Variants in GNPTAB observed in about 807,000 individuals in gnomAD.
GNPTAB encodes the protein N-acetylglucosamine-1-phosphate transferase subunits alpha and beta.
GNPTAB carries 92 observed loss-of-function variants against 136.6 expected under a neutral mutation model. The ratio of observed to expected loss-of-function variants is 0.67; its 90% CI spans 0.57 to 0.80. GNPTAB has a LOEUF of 0.80. Among genes scored for constraint, GNPTAB ranks in the 30% least tolerant of loss-of-function variants. GNPTAB has a pLI of 0.00. For missense variants in GNPTAB, 1,343 were observed against 1,501.8 expected, an observed-to-expected ratio of 0.89 and a Z score of 1.75; for synonymous variants, 512 against 535.1, an observed-to-expected ratio of 0.96 and a Z score of 0.60.
Position 101,796,670 on chromosome 12 carries a change from A to G in GNPTAB, c.203+7T>C. Reference sequence around the variant, plus strand: ...CAAATAATAGATTTCTCCAAAATAGATCTTACCGATTCTGAAAGGACTTTC... The same window carrying G: ...CAAATAATAGATTTCTCCAAAATAGGTCTTACCGATTCTGAAAGGACTTTC... On this transcript the variant is annotated splice_region_variant and intron_variant, in intron 2 of 20. Transcript: ENST00000299314. 6.4e-7 allele frequency: 1 copy of G among 1,565,476 alleles called. No homozygotes were observed. The highest frequency in any genetic ancestry group is 8.8e-7 in the Non-Finnish European group (1 of 1,135,814).
At chr12:101,797,490 C>T (rs905406144) in intron 1 of GNPTAB, among the ~76,000 whole-genome samples, 4 of 152,174 alleles carry the variant, frequency 2.6e-5, no homozygotes, top group East Asian at 3.9e-4. Context: ...CTGGGCATGG[C>T]GGCATGCGCC....
intron 1 of GNPTAB, among the ~76,000 whole-genome samples, chr12:101,828,937 T>C (rs765066370): frequency 6.6e-6 from 1 of 152,228 alleles, no homozygotes; most frequent in Admixed American, 6.5e-5. Context: ...ATTATTATGA[T>C]CATTATCAAC....
At chr12:101,822,395 C>CAG (rs1439564465) in intron 1 of GNPTAB, among the ~76,000 whole-genome samples, 1 of 152,164 alleles carries the variant, frequency 6.6e-6, no homozygotes, top group Non-Finnish European at 1.5e-5. Context: ...ACCTGGGCGA[C>CAG]AGCGAGACTC....
At chr12:101,759,954 T>C (rs1383341748) in intron 16 of GNPTAB, 76 bp downstream of exon 16, 25 of 867,832 alleles carry the variant, frequency 2.9e-5, no homozygotes, top group Non-Finnish European at 4.6e-5. Flanking sequence ...TCTGAAGTGC[T>C]ATACAGAAAT....
chr12:101,760,260 A>G (rs368322807), intron 15 of GNPTAB, 117 bp from the exon 16 acceptor site: 4 of 712,404 alleles, frequency 5.6e-6, no homozygotes, highest in Non-Finnish European at 5.0e-6. Flanking sequence ...CTTCAAAGAG[A>G]GTCTGACTAT....
At chr12:101,812,683 C>A (rs561318993) in intron 1 of GNPTAB, among the ~76,000 whole-genome samples, 1 of 152,172 alleles carries the variant, frequency 6.6e-6, no homozygotes, top group South Asian at 2.1e-4. Flanking sequence ...ATCTTGAGAC[C>A]AGGAGGCTGA....
rs1262269049 is a variant in GNPTAB, at chr12:101,764,875, T to A, written c.2042A>T (p.His681Leu). The A allele has an allele frequency of 6.2e-7, 1 of 1,614,102 alleles. No homozygotes were observed. Among genetic ancestry groups the A allele is most frequent in the Non-Finnish European group, 8.5e-7 (1 of 1,180,054 alleles). ...GGCTCTCCTTGTTGAGTTAACATCA[T>A]GTCTCTTAAACTTCGGGAAGCGTTT... ...KEKRFPKFKR[H>L]DVNSTRRAQE... The change falls in exon 13 of 21, where the codon CAT becomes CTT. Residue 681 changes from histidine (H) to leucine (L), a missense_variant. Physicochemically the swap from His to Leu is moderately conservative, Grantham distance 99. Transcript: ENST00000299314.
chr12:101,820,526 G>T (rs549958826), intron 1 of GNPTAB, among the ~76,000 whole-genome samples: 1 of 152,226 alleles, frequency 6.6e-6, no homozygotes, highest in East Asian at 1.9e-4. Context: ...ATTCTTTGTT[G>T]TAGGGGCTGT....
chr12:101,796,512 G>C, intron 2 of GNPTAB, 165 bp downstream of exon 2: 1 of 622,818 alleles, frequency 1.6e-6, no homozygotes, highest in Non-Finnish European at 2.8e-6. Flanking sequence ...CTTTTTTTTA[G>C]TATATGTGCT....
Position 101,757,260 on chromosome 12 carries a change from T to C in GNPTAB, c.3386A>G (p.Asn1129Ser), listed in dbSNP as rs1216657781. 8 of 1,610,584 alleles carry C rather than the reference T, an allele frequency of 5.0e-6. No individual in the cohort carries two copies. The highest frequency in any genetic ancestry group is 1.7e-5 in the Admixed American group (1 of 59,982). ...CAACTGGCCAACCACATGAGAAACG[T>C]TGGTACGAATCATTTTAAAAGCGAT... is the stretch of plus-strand genomic sequence containing the variant. ...EEIAFKMIRT[N>S]VSHVVGQLDD... Residue 1129 changes from asparagine (N) to serine (S), a missense_variant, in exon 18 of 21, where the codon AAC (asparagine) becomes AGC (serine). Asn to Ser is a conservative substitution (Grantham distance 46). Coordinates refer to ENST00000299314, the MANE Select transcript of GNPTAB (RefSeq NM_024312.5).
intron 17 of GNPTAB, 117 bp downstream of exon 17, chr12:101,757,455 A>G (rs1364596364): frequency 2.1e-5 from 16 of 768,490 alleles, no homozygotes; most frequent in Non-Finnish European, 3.6e-5. Flanking sequence ...ACAGCAAACA[A>G]TCTCATATAA....
chr12:101,810,719 A>G (rs2137174780), intron 1 of GNPTAB: 2 of 151,796 alleles, frequency 1.3e-5, no homozygotes, highest in Middle Eastern at 3.4e-3. Flanking sequence ...TCAGACTGAC[A>G]CTAAAAGTAT....
In GNPTAB at chr12:101,789,970, T is replaced by G. The variant is rs1219794997; in HGVS notation, c.291A>C (p.Arg97Ser). 6.2e-7 allele frequency: 1 copy of G among 1,614,088 alleles called. No individual in the cohort carries two copies. The highest frequency in any genetic ancestry group is 1.7e-5 in the Admixed American group (1 of 60,002). Residue 97 changes from arginine to serine, a missense_variant, in exon 3 of 21, where the codon AGA (arginine) becomes AGC (serine). Physicochemically the swap from Arg to Ser is moderately radical, Grantham distance 110. Coordinates refer to ENST00000299314, the MANE Select transcript of GNPTAB (RefSeq NM_024312.5). The stretch of plus-strand genomic sequence containing the variant: ...CTTTCTGCTCCTCCTCCATCTGTTC[T>G]CTGACCTGCTGTAGTTCCTTCAGTA... ...LELLKELQQV[R>S]EQMEEEQKAM...
At chr12:101,748,927 T>C (rs1218634157) in intron 20 of GNPTAB, among the ~76,000 whole-genome samples, 174 bp downstream of exon 20, 1 of 152,226 alleles carries the variant, frequency 6.6e-6, no homozygotes, top group Non-Finnish European at 1.5e-5. Flanking sequence ...TAAAAGACTG[T>C]TATATTTGCT....
rs1306303869 is a variant in GNPTAB at position 101,753,265 on chromosome 12, AT to A, written c.3602+106del. On this transcript the variant is annotated intron_variant, in intron 19 of 20. Coordinates refer to ENST00000299314, the MANE Select transcript of GNPTAB (RefSeq NM_024312.5). ...CAAAACTCCGTCTCAAAAAAAAAAA[AT>A]AAAAAGAGAAATTTCATAAAAAAAA... The A allele has an allele frequency of 2.0e-4, 205 of 1,042,772 alleles. No individual in the cohort carries two copies. In the East Asian group the frequency reaches 4.8e-3, roughly 24 times the overall value. 64.6% of individuals were successfully genotyped at this position (1,042,772 alleles called of 1,614,324 possible). A position where few individuals can be genotyped will look rare whatever the true frequency, so the allele number is the denominator to read the frequency against.
At chr12:101,813,119 C>CT (rs1248535912) in intron 1 of GNPTAB, among the ~76,000 whole-genome samples, 2 of 152,120 alleles carry the variant, frequency 1.3e-5, no homozygotes, top group African/African-American at 4.8e-5. Context: ...AGGCATGAGC[C>CT]ACCACACCCA....
intron 1 of GNPTAB, among the ~76,000 whole-genome samples, chr12:101,827,104 GC>G (rs1871127024): frequency 6.6e-6 from 1 of 151,704 alleles, no homozygotes; most frequent in Non-Finnish European, 1.5e-5. Context: ...ACAGGCATGT[GC>G]CACCACACCT....
intron 1 of GNPTAB, among the ~76,000 whole-genome samples, chr12:101,825,699 C>CGTTAT (rs10641124): frequency 0.57 from 87,130 of 151,590 alleles, 25,423 homozygotes; most frequent in East Asian, 0.85. Context: ...AAATCCATTA[C>CGTTAT]AAGTCATGCT....
chr12:101,803,416 A>C (rs1869752583), intron 1 of GNPTAB, among the ~76,000 whole-genome samples: 1 of 152,204 alleles, frequency 6.6e-6, no homozygotes, highest in African/African-American at 2.4e-5. Context: ...GATTAAAGAC[A>C]CCCATTTTCC....
Sources: allele counts gnomAD v4.1 joint callset (sites outside exome capture counted in the v4.1 genomes callset), GRCh38; gene constraint gnomAD v4.1.1; transcripts MANE v1.5; gene names NCBI Gene and HGNC (gene_info 2026-07-23, HGNC 2026-07-21).